The following RASAL2 variants were observed in gnomAD, a reference collection of about 807,000 sequenced individuals.
RASAL2 encodes the protein RAS protein activator like 2.
Under a neutral mutation model 128.9 loss-of-function variants are expected in RASAL2, and 58 were observed. That is an observed-to-expected ratio of 0.45 (90% CI 0.36 to 0.56). The LOEUF (loss-of-function observed/expected upper bound fraction) is 0.56, where lower values mean the gene tolerates loss of function less well. RASAL2 is among the 20% of genes least tolerant of loss of function. The probability of loss-of-function intolerance (pLI) is 0.00; values close to 1 mark genes in which losing one functional copy is unlikely to be tolerated. For synonymous variants in RASAL2, 561 were observed against 580.8 expected (o/e 0.97, Z 0.49); for missense variants, 1,360 against 1,601.6 (o/e 0.85, Z 2.57).
intron 3 of RASAL2, among the ~76,000 whole-genome samples, chr1:178,378,658 G>A (rs1248781144): frequency 6.6e-6 from 1 of 152,062 alleles, no homozygotes; most frequent in Non-Finnish European, 1.5e-5. Context: ...TATTTTTGCA[G>A]TCTTTTAAAG....
intron 3 of RASAL2, among the ~76,000 whole-genome samples, chr1:178,377,278 A>G (rs1486839172): frequency 2.6e-5 from 4 of 152,108 alleles, no homozygotes; most frequent in South Asian, 2.1e-4. Context: ...TTGAAACTCT[A>G]ATTTCTGGTA....
intron 5 of RASAL2, among the ~76,000 whole-genome samples, chr1:178,425,441 A>T (rs1304409402): frequency 6.6e-6 from 1 of 152,162 alleles, no homozygotes; most frequent in Non-Finnish European, 1.5e-5. Context: ...AGATTACTTA[A>T]TCTATAATTC....
rs1252609181 is a variant in RASAL2 at position 178,420,549 on chromosome 1, G to A, written c.603G>A (p.Arg201=). The A allele has an allele frequency of 1.9e-6, 3 of 1,613,280 alleles. No homozygotes were observed. Among genetic ancestry groups the A allele is most frequent in the South Asian group, 1.1e-5 (1 of 91,004 alleles). Residue 201 remains arginine, a synonymous_variant, in exon 5 of 18, where the codon AGG becomes AGA. Transcript: ENST00000367649. The part of the protein sequence containing the change: ...FSKRLKGSIK[R]TKSQSKLDRN... ...AGCGCCTGAAAGGCTCCATCAAGAG[G>A]ACCAAAAGCCAGTCAAAGCTTGACA...
intron 3 of RASAL2, among the ~76,000 whole-genome samples, chr1:178,328,098 CTGTT>C (rs1242222793): frequency 6.6e-6 from 1 of 152,094 alleles, no homozygotes; most frequent in Non-Finnish European, 1.5e-5. Flanking sequence ...TTAAGTTACT[CTGTT>C]TGTGGTAATT....
intron 1 of RASAL2, among the ~76,000 whole-genome samples, chr1:178,186,538 G>A (rs1051136708): frequency 6.6e-6 from 1 of 151,990 alleles, no homozygotes; most frequent in African/African-American, 2.4e-5. Flanking sequence ...TTTTCTTTCT[G>A]TACATTTAAA....
chr1:178,212,941 T>C (rs1663305749), intron 1 of RASAL2, among the ~76,000 whole-genome samples: 1 of 152,238 alleles, frequency 6.6e-6, no homozygotes, highest in South Asian at 2.1e-4. Context: ...GTGTGTACTT[T>C]CCTGACCTTT....
chr1:178,430,123 A>G (rs981642694), intron 5 of RASAL2, among the ~76,000 whole-genome samples: 3 of 152,152 alleles, frequency 2.0e-5, no homozygotes, highest in South Asian at 2.1e-4. Flanking sequence ...GAGGAACTCA[A>G]TACACATTTG....
chr1:178,409,678 T>G (rs1674233689), intron 4 of RASAL2, among the ~76,000 whole-genome samples: 1 of 152,208 alleles, frequency 6.6e-6, no homozygotes, highest in Admixed American at 6.5e-5. Context: ...TTTAGGTACC[T>G]TTGGGTTAAT....
At chr1:178,447,678 A>AAAAG (rs1358682627) in intron 9 of RASAL2, among the ~76,000 whole-genome samples, 3 of 109,938 alleles carry the variant, frequency 2.7e-5, no homozygotes, top group Admixed American at 9.2e-5. Flanking sequence ...TCTCTTAAAA[A>AAAAG]AAAAAAAAAA....
At chr1:178,232,868 C>T (rs1030640391) in intron 1 of RASAL2, among the ~76,000 whole-genome samples, 1 of 152,048 alleles carries the variant, frequency 6.6e-6, no homozygotes, top group Non-Finnish European at 1.5e-5. Flanking sequence ...GTTTTTAACT[C>T]GCTATCATTT....
intron 3 of RASAL2, among the ~76,000 whole-genome samples, chr1:178,306,598 T>C (rs543154390): frequency 1.8e-3 from 275 of 151,934 alleles, no homozygotes; most frequent in Middle Eastern, 0.014. Context: ...TTCTAACTGG[T>C]GTGAGATGGT....
chr1:178,274,240 TTC>T (rs1666390619), intron 1 of RASAL2, among the ~76,000 whole-genome samples: 1 of 152,144 alleles, frequency 6.6e-6, no homozygotes, highest in Non-Finnish European at 1.5e-5. Context: ...AGACACTAAT[TTC>T]TCAATAGTGA....
intron 1 of RASAL2, among the ~76,000 whole-genome samples, chr1:178,200,423 C>G (rs1001424352): frequency 2.0e-5 from 3 of 152,158 alleles, no homozygotes; most frequent in Non-Finnish European, 4.4e-5. Flanking sequence ...TACATAATAC[C>G]TTTGACCATA....
intron 3 of RASAL2, among the ~76,000 whole-genome samples, chr1:178,374,503 A>G (rs1671887394): frequency 6.6e-6 from 1 of 152,138 alleles, no homozygotes; most frequent in Non-Finnish European, 1.5e-5. Context: ...TTACTTCTGT[A>G]CAGTAACCAC....
At chr1:178,317,365 T>C (rs906811636) in intron 3 of RASAL2, among the ~76,000 whole-genome samples, 2 of 146,372 alleles carry the variant, frequency 1.4e-5, no homozygotes, top group African/African-American at 5.2e-5. Flanking sequence ...TCAGAAGGAA[T>C]GGTACCAGTT....
At chr1:178,219,280 A>T (rs1663534433) in intron 1 of RASAL2, among the ~76,000 whole-genome samples, 2 of 152,094 alleles carry the variant, frequency 1.3e-5, no homozygotes, top group South Asian at 4.1e-4. Flanking sequence ...ATTTATTCAG[A>T]CCACTCAAGC....
chr1:178,193,715 C>T (rs559620782), intron 1 of RASAL2, among the ~76,000 whole-genome samples: 26 of 152,072 alleles, frequency 1.7e-4, no homozygotes, highest in Non-Finnish European at 3.1e-4. Flanking sequence ...TACCTAAACA[C>T]TTAGATTGCC....
chr1:178,402,327 C>T (rs964113871), intron 4 of RASAL2, among the ~76,000 whole-genome samples: 2 of 151,850 alleles, frequency 1.3e-5, no homozygotes, highest in Non-Finnish European at 1.5e-5. Context: ...TCACTTGAAC[C>T]TGGGAGGTGG....
At chr1:178,226,003 C>G (rs1364584729) in intron 1 of RASAL2, among the ~76,000 whole-genome samples, 1 of 152,132 alleles carries the variant, frequency 6.6e-6, no homozygotes, top group African/African-American at 2.4e-5. Context: ...GCCCCGAAAT[C>G]TTGATACAGT....
Sources: gnomAD v4.1 joint callset for allele counts (sites outside exome capture counted in the v4.1 genomes callset) on GRCh38, gnomAD v4.1.1 for gene constraint, MANE v1.5 for transcripts, NCBI Gene and HGNC (gene_info 2026-07-23, HGNC 2026-07-21) for gene names.